The following ZNF141 variants were observed in gnomAD, a reference collection of about 807,000 sequenced individuals.
ZNF141 encodes the protein zinc finger protein 141, also known as zinc finger protein 141 (clone pHZ-44).
In ZNF141, 7 loss-of-function variants were observed where a neutral mutation model predicts 11.3. The ratio of observed to expected loss-of-function variants is 0.62; its 90% CI spans 0.35 to 1.16. The LOEUF is 1.16. Among genes scored for constraint, ZNF141 ranks in the 50% most tolerant of loss-of-function variants. The probability of loss-of-function intolerance (pLI) is 0.02; values close to 1 mark genes in which losing one functional copy is unlikely to be tolerated. For missense variants in ZNF141, 535 were observed against 554.0 expected (o/e 0.97, Z 0.34); for synonymous variants, 183 against 190.7 (o/e 0.96, Z 0.33).
chr4:343,366 A>G (rs1721148137), intron 1 of ZNF141, among the ~76,000 whole-genome samples: 1 of 152,224 alleles, frequency 6.6e-6, no homozygotes, highest in African/African-American at 2.4e-5. Context: ...TTTATCAGAT[A>G]ATCCCAGTCA....
In ZNF141 at chr4:375,310, A is replaced by G. The variant is rs1261002041; in HGVS notation, c.*1448A>G. ...ACTTCTCTCATGGATTTTGTTGTAC[A>G]CATTTTATAATAGGGGAAAACACTG... On this transcript the variant is annotated 3_prime_UTR_variant, in exon 4 of 4. Coordinates refer to ENST00000240499, the MANE Select transcript of ZNF141 (RefSeq NM_003441.4). 1 of 152,134 alleles carries G rather than the reference A, an allele frequency of 6.6e-6. No homozygotes were observed. Among genetic ancestry groups the G allele is most frequent in the Non-Finnish European group, 1.5e-5 (1 of 67,974 alleles). 9.4% of individuals were successfully genotyped at this position (152,134 alleles called of 1,614,324 possible).
chr4:380,467 C>A lies in ZNF141; in HGVS notation c.*6605C>A, dbSNP rs1712560657. On this transcript the variant is annotated 3_prime_UTR_variant, in exon 4 of 4. Transcript: ENST00000240499. ...AGGAGTTTGAGACCAGTCTGGCCAA[C>A]ATGGTGAAACCCCGTCTCTACTACA... Among the ~76,000 whole-genome samples, 1 of 152,096 alleles carries A rather than the reference C, an allele frequency of 6.6e-6. No homozygotes were observed. The highest frequency in any genetic ancestry group is 2.1e-4 in the South Asian group (1 of 4,820).
chr4:374,393 A>T lies in ZNF141; in HGVS notation c.*531A>T. 1 of 358,796 alleles carries T rather than the reference A, an allele frequency of 2.8e-6. No homozygotes were observed. The highest frequency in any genetic ancestry group is 5.6e-6 in the Non-Finnish European group (1 of 177,250). The allele number at this position is 358,796 out of a possible 1,614,324, so 22.2% of individuals were successfully genotyped here. A position where few individuals can be genotyped will look rare whatever the true frequency, so the allele number is the denominator to read the frequency against. ...GCTTCACATGCGAAGAATGTGGCACAGTCTTTACCACATCCTCAAACTTTG... is the reference window on the plus strand; with the variant it reads ...GCTTCACATGCGAAGAATGTGGCACTGTCTTTACCACATCCTCAAACTTTG... On this transcript the variant is annotated 3_prime_UTR_variant, in exon 4 of 4. Transcript: ENST00000240499.
At chr4:343,085 A>G (rs1478110556) in intron 1 of ZNF141, 5 of 477,386 alleles carry the variant, frequency 1.0e-5, no homozygotes, top group Non-Finnish European at 1.8e-5. Context: ...AGTTCCTTGC[A>G]TGATTAAAAA....
intron 3 of ZNF141, among the ~76,000 whole-genome samples, chr4:369,764 A>ATGT: frequency 2.3e-4 from 11 of 48,712 alleles, no homozygotes; most frequent in Non-Finnish European, 3.1e-4. Flanking sequence ...ATATATATAT[A>ATGT]TTTTTTTTTT....
intron 3 of ZNF141, among the ~76,000 whole-genome samples, chr4:348,092 C>T (rs1467357147): frequency 6.6e-6 from 1 of 152,124 alleles, no homozygotes; most frequent in Non-Finnish European, 1.5e-5. Flanking sequence ...GATCTGCCTG[C>T]CTCGGCCTCC....
chr4:378,242 A>T lies in ZNF141; in HGVS notation c.*4380A>T, dbSNP rs1553854939. The stretch of plus-strand genomic sequence containing the variant: ...TTTTACATTTAATTTTCTGTGACAT[A>T]GCAAAACATTTTTCCATACAAAATC... On this transcript the variant is annotated 3_prime_UTR_variant, in exon 4 of 4. Transcript: ENST00000240499. 1 of 152,166 alleles carries T rather than the reference A, an allele frequency of 6.6e-6. No individual in the cohort carries two copies. Among genetic ancestry groups the T allele is most frequent in the Non-Finnish European group, 1.5e-5 (1 of 68,034 alleles). The allele number at this position is 152,166 out of a possible 1,614,324, so 9.4% of individuals were successfully genotyped here.
intron 3 of ZNF141, among the ~76,000 whole-genome samples, chr4:355,739 G>C (rs552907144): frequency 4.6e-5 from 7 of 152,168 alleles, no homozygotes; most frequent in African/African-American, 1.7e-4. Context: ...ATATTCTAGG[G>C]TTGGTAATTT....
chr4:345,640 A>G (rs1249225843), intron 3 of ZNF141, among the ~76,000 whole-genome samples: 2 of 147,946 alleles, frequency 1.4e-5, no homozygotes, highest in East Asian at 4.1e-4. Flanking sequence ...AGGCAGGAGA[A>G]TTGCTTGAAC....
rs2108658939 is a variant in ZNF141 at position 376,974 on chromosome 4, A to G, written c.*3112A>G. Reference sequence around the variant, plus strand: ...TTTGTTTTCACTTCATGAAGTGTTTATTATGTGAGCTGGTCAGAAATTATA... The same window carrying G: ...TTTGTTTTCACTTCATGAAGTGTTTGTTATGTGAGCTGGTCAGAAATTATA... On this transcript the variant is annotated 3_prime_UTR_variant, in exon 4 of 4. Coordinates refer to ENST00000240499, the MANE Select transcript of ZNF141 (RefSeq NM_003441.4). Among the ~76,000 whole-genome samples the G allele has an allele frequency of 6.6e-6, 1 of 152,196 alleles. No homozygotes were observed. The highest frequency in any genetic ancestry group is 1.9e-4 in the East Asian group (1 of 5,186).
intron 3 of ZNF141, among the ~76,000 whole-genome samples, chr4:361,299 A>G (rs1553852107): frequency 7.5e-6 from 1 of 132,974 alleles, no homozygotes; most frequent in African/African-American, 3.0e-5. Flanking sequence ...TTGTATCACT[A>G]TAATTATATA....
At chr4:354,311 C>A (rs1560187785) in intron 3 of ZNF141, among the ~76,000 whole-genome samples, 1 of 152,198 alleles carries the variant, frequency 6.6e-6, no homozygotes, top group Non-Finnish European at 1.5e-5. Flanking sequence ...ACAGCATGCC[C>A]AAGGTCACCC....
intron 3 of ZNF141, among the ~76,000 whole-genome samples, chr4:356,979 G>A (rs1721871943): frequency 6.6e-6 from 1 of 151,798 alleles, no homozygotes; most frequent in South Asian, 2.1e-4. Context: ...TGTACAGATA[G>A]GGTCTTACTT....
chr4:344,425 C>T lies in ZNF141; in HGVS notation c.221C>T (p.Pro74Leu). ...AAGATACATAAGATCGTAGCCAGAC[C>T]CCCAGGTAGGTGAGAGTGAATGGAG... ...NVKIHKIVAR[P>L]PAMCSHFTQD... Residue 74 changes from proline (P) to leucine (L), a missense_variant, in exon 3 of 4, where the codon CCC becomes CTC. By Grantham distance (98) the Pro-to-Leu change is moderately conservative (BLOSUM62 -3). Transcript: ENST00000240499. 6.2e-7 allele frequency: 1 copy of T among 1,604,778 alleles called. No individual in the cohort carries two copies. Among genetic ancestry groups the T allele is most frequent in the Non-Finnish European group, 8.5e-7 (1 of 1,173,686 alleles).
intron 1 of ZNF141, among the ~76,000 whole-genome samples, chr4:342,076 T>A (rs534902934): frequency 1.5e-4 from 23 of 152,294 alleles, no homozygotes; most frequent in East Asian, 1.3e-3. Context: ...TACATTTTTT[T>A]AAAAAGTCAG....
intron 3 of ZNF141, among the ~76,000 whole-genome samples, chr4:349,571 G>A (rs1399203700): frequency 1.3e-5 from 2 of 152,154 alleles, no homozygotes; most frequent in Non-Finnish European, 2.9e-5. Flanking sequence ...GCAGCCCTGT[G>A]TCTGCATTTG....
At position 377,655 on chromosome 4, in the gene ZNF141, G is replaced by A. The variant is rs1553854861; in HGVS notation, c.*3793G>A. On this transcript the variant is annotated 3_prime_UTR_variant, in exon 4 of 4. Coordinates refer to ENST00000240499, the MANE Select transcript of ZNF141 (RefSeq NM_003441.4). ...GCAACATTTAGATCACTTGAGATAAGAGTAATTCACTATCAACAGGTAAGA... is the reference window on the plus strand; with the variant it reads ...GCAACATTTAGATCACTTGAGATAAAAGTAATTCACTATCAACAGGTAAGA... Among the ~76,000 whole-genome samples, 1 of 152,140 alleles carries A rather than the reference G, an allele frequency of 6.6e-6. No homozygotes were observed. Among genetic ancestry groups the A allele is most frequent in the Admixed American group, 6.5e-5 (1 of 15,276 alleles).
chr4:353,178 GCCTGGGCAA>G (rs1721684224), intron 3 of ZNF141, among the ~76,000 whole-genome samples: 1 of 152,136 alleles, frequency 6.6e-6, no homozygotes, highest in African/African-American at 2.4e-5. Flanking sequence ...TTCAGCACCA[GCCTGGGCAA>G]CCTGGTGAAA....
At chr4:346,841 A>G (rs540944907) in intron 3 of ZNF141, among the ~76,000 whole-genome samples, 22 of 148,924 alleles carry the variant, frequency 1.5e-4, no homozygotes, top group South Asian at 6.3e-4. Context: ...ATGTGTGTGT[A>G]TATATATATG....
Sources: allele counts gnomAD v4.1 joint callset (sites outside exome capture counted in the v4.1 genomes callset), GRCh38; gene constraint gnomAD v4.1.1; transcripts MANE v1.5; gene names NCBI Gene and HGNC (gene_info 2026-07-23, HGNC 2026-07-21).